The following GULP1 variants were observed in gnomAD, a reference collection of about 807,000 sequenced individuals.
GULP1 encodes GULP PTB domain containing engulfment adaptor 1, also known as PTB domain-containing engulfment adapter protein 1.
GULP1 carries 19 observed loss-of-function variants against 40.9 expected under a neutral mutation model. That is an observed-to-expected ratio of 0.46 (90% confidence interval 0.32 to 0.68). The LOEUF (loss-of-function observed/expected upper bound fraction) is 0.68. GULP1 is among the 30% of genes least tolerant of loss of function. The pLI is 0.03. For synonymous variants in GULP1, 119 were observed against 117.6 expected (o/e 1.01, Z -0.08); for missense variants, 312 against 362.2 (o/e 0.86, Z 1.12).
At chr2:188,351,076 ATTC>A (rs1450567082) in intron 1 of GULP1, among the ~76,000 whole-genome samples, 5 of 152,302 alleles carry the variant, frequency 3.3e-5, no homozygotes, top group Admixed American at 2.0e-4. Context: ...AAATGGCCTT[ATTC>A]TTTTAAAAAA....
intron 1 of GULP1, among the ~76,000 whole-genome samples, chr2:188,309,756 C>T (rs34000922): frequency 0.15 from 23,221 of 152,084 alleles, 1,927 homozygotes; most frequent in African/African-American, 0.18. Context: ...TTTGTAAATA[C>T]GGGAGAGCCA....
At position 188,397,984 on chromosome 2, in the gene GULP1, G is replaced by T. The variant is rs1487219790; in HGVS notation, c.-45+14095G>T. Among the ~76,000 whole-genome samples, 28 of 152,152 alleles carry T rather than the reference G, an allele frequency of 1.8e-4. 1 individual carries two copies. The highest frequency in any genetic ancestry group is 1.8e-3 in the Admixed American group (28 of 15,268). On this transcript the variant is annotated intron_variant, in intron 2 of 11. Coordinates refer to ENST00000409830, the MANE Select transcript of GULP1 (RefSeq NM_016315.4). ...TTAACCTCCAATACTTGTGAATGTG[G>T]CATTACTTGGAAAAAGAGTCTATGC... is the stretch of plus-strand genomic sequence containing the variant.
At chr2:188,323,662 GTGTGTGTGTGTGTGTGTGTGTGTGTGTA>G (rs2040333657) in intron 1 of GULP1, among the ~76,000 whole-genome samples, 3 of 105,278 alleles carry the variant, frequency 2.8e-5, no homozygotes, top group Non-Finnish European at 4.4e-5. Context: ...GTGTGTGTGT[GTGTGTGTGTGTGTGTGTGTGTGTGTGTA>G]TGTGTGTACA....
intron 1 of GULP1, among the ~76,000 whole-genome samples, chr2:188,297,328 C>T (rs1370477647): frequency 2.0e-5 from 3 of 151,982 alleles, no homozygotes. Context: ...AGCACATGTA[C>T]AGTTAACTAC....
chr2:188,357,102 T>C (rs1418487909), intron 1 of GULP1, among the ~76,000 whole-genome samples: 1 of 152,056 alleles, frequency 6.6e-6, no homozygotes, highest in Non-Finnish European at 1.5e-5. Flanking sequence ...AGTATAAAAC[T>C]ACTAGAAGGA....
At chr2:188,580,702 C>T (rs1337145751) in intron 9 of GULP1, among the ~76,000 whole-genome samples, 1 of 152,214 alleles carries the variant, frequency 6.6e-6, no homozygotes, top group Non-Finnish European at 1.5e-5. Context: ...TCTCACTTTA[C>T]ATGGCTTCCT....
chr2:188,559,591 A>T (rs762430553), intron 7 of GULP1, among the ~76,000 whole-genome samples: 46 of 152,150 alleles, frequency 3.0e-4, no homozygotes, highest in Non-Finnish European at 6.2e-4. Flanking sequence ...GGCAGAAGAG[A>T]CTAGCCTTGT....
intron 4 of GULP1, among the ~76,000 whole-genome samples, chr2:188,493,610 A>G (rs1414415658): frequency 3.3e-5 from 5 of 152,080 alleles, no homozygotes; most frequent in Admixed American, 2.0e-4. Flanking sequence ...CTTTTAAAAG[A>G]CTTTAATATA....
intron 4 of GULP1, chr2:188,491,700 G>A (rs2062405753): frequency 6.6e-6 from 1 of 152,082 alleles, no homozygotes; most frequent in Admixed American, 6.6e-5. Context: ...AATCTCTTCA[G>A]AAGACAAACT....
intron 2 of GULP1, among the ~76,000 whole-genome samples, chr2:188,441,796 G>T (rs1016616143): frequency 6.6e-6 from 1 of 152,132 alleles, no homozygotes; most frequent in African/African-American, 2.4e-5. Flanking sequence ...TCCTTTTCTT[G>T]CATGTGCTAG....
intron 4 of GULP1, among the ~76,000 whole-genome samples, chr2:188,511,773 T>C (rs1402162815): frequency 6.6e-6 from 1 of 152,174 alleles, no homozygotes; most frequent in Non-Finnish European, 1.5e-5. Context: ...ATTGTTATAA[T>C]AAAATGAGGA....
chr2:188,382,077 A>G (rs906782458), intron 1 of GULP1, among the ~76,000 whole-genome samples: 6 of 152,140 alleles, frequency 3.9e-5, no homozygotes, highest in Admixed American at 6.6e-5. Context: ...TGCTTTTTGT[A>G]GTAGATGCTG....
At chr2:188,416,194 C>T (rs959383475) in intron 2 of GULP1, among the ~76,000 whole-genome samples, 7 of 151,918 alleles carry the variant, frequency 4.6e-5, no homozygotes, top group Admixed American at 1.3e-4. Flanking sequence ...TTGCTTCCTC[C>T]ATCTTTTTTT....
chr2:188,337,355 G>A (rs2042409224), intron 1 of GULP1, among the ~76,000 whole-genome samples: 2 of 151,078 alleles, frequency 1.3e-5, no homozygotes, highest in East Asian at 1.9e-4. Context: ...GACCAGGCTG[G>A]TCACGAAATC....
chr2:188,312,286 A>G (rs976441106), intron 1 of GULP1, among the ~76,000 whole-genome samples: 9 of 151,890 alleles, frequency 5.9e-5, no homozygotes, highest in African/African-American at 1.2e-4. Flanking sequence ...CTATTGACCT[A>G]TCCTCTAAGT....
At chr2:188,393,183 T>TC (rs1285695692) in intron 2 of GULP1, among the ~76,000 whole-genome samples, 1 of 151,850 alleles carries the variant, frequency 6.6e-6, no homozygotes, top group Non-Finnish European at 1.5e-5. Context: ...CACGTTGAAG[T>TC]CCCCCCGCGA....
intron 4 of GULP1, among the ~76,000 whole-genome samples, chr2:188,497,189 A>C (rs755567596): frequency 9.2e-5 from 14 of 152,062 alleles, no homozygotes; most frequent in Non-Finnish European, 1.3e-4. Context: ...TCCTGCTAGC[A>C]TTGTGTCAGC....
At chr2:188,569,649 T>A (rs1290952679) in intron 8 of GULP1, 1 of 392,930 alleles carries the variant, frequency 2.5e-6, no homozygotes, top group East Asian at 5.9e-5. Context: ...GCTGGGTAAG[T>A]GGTTTTCCAT....
chr2:188,357,054 C>A (rs1425564069), intron 1 of GULP1, among the ~76,000 whole-genome samples: 2 of 151,990 alleles, frequency 1.3e-5, no homozygotes, highest in African/African-American at 4.8e-5. Context: ...GTACAAAGAT[C>A]AACTCAAAAT....
Sources: allele counts gnomAD v4.1 joint callset (sites outside exome capture counted in the v4.1 genomes callset), GRCh38; gene constraint gnomAD v4.1.1; transcripts MANE v1.5; gene names NCBI Gene and HGNC (gene_info 2026-07-23, HGNC 2026-07-21).